The following ASIC5 variants were observed in gnomAD, a reference collection of about 807,000 sequenced individuals.
The protein encoded by ASIC5 is acid sensing ion channel subunit family member 5.
A neutral mutation model predicts 51.2 loss-of-function variants in ASIC5; 52 were observed. The ratio of observed to expected loss-of-function variants is 1.02; its 90% CI spans 0.81 to 1.28. The LOEUF is 1.28. Among genes scored for constraint, ASIC5 ranks in the 50% most tolerant of loss-of-function variants. The pLI, the probability that ASIC5 is intolerant of heterozygous loss-of-function variation, is 0.00. For synonymous variants in ASIC5, 231 were observed against 200.7 expected, an observed-to-expected ratio of 1.15 and a Z score of -1.28; for missense variants, 635 against 595.0, an observed-to-expected ratio of 1.07 and a Z score of -0.70.
In ASIC5 at chr4:155,829,872, C is replaced by A; in HGVS notation, c.1502G>T (p.Arg501Met). The A allele has an allele frequency of 6.3e-7, 1 of 1,590,094 alleles. No homozygotes were observed. The highest frequency in any genetic ancestry group is 8.5e-7 in the Non-Finnish European group (1 of 1,170,624). Residue 501 changes from arginine to methionine, a missense_variant, in exon 10 of 10, where the codon AGG becomes ATG. Arg to Met is a moderately conservative substitution (Grantham distance 91). Transcript: ENST00000537611. ...PPQNHLGNKN[R>M]IEEC is the part of the protein sequence containing the mutation. ...AAGTGACCATTAACACTCCTCTATCCTATTTTTATTTCCCAGATGATTCTG... is the reference window on the plus strand; with the variant it reads ...AAGTGACCATTAACACTCCTCTATCATATTTTTATTTCCCAGATGATTCTG...
chr4:155,840,295 G>A (rs964272862), intron 6 of ASIC5, among the ~76,000 whole-genome samples: 1 of 151,912 alleles, frequency 6.6e-6, no homozygotes, highest in Admixed American at 6.6e-5. Context: ...ATATAGAACA[G>A]CAGTTTTTGC....
intron 6 of ASIC5, among the ~76,000 whole-genome samples, chr4:155,841,961 A>G (rs1741129626): frequency 6.6e-6 from 1 of 152,196 alleles, no homozygotes; most frequent in South Asian, 2.1e-4. Flanking sequence ...ATAAAATTCA[A>G]AGAAATTTAG....
At chr4:155,838,296 G>A (rs1304715214) in intron 7 of ASIC5, among the ~76,000 whole-genome samples, 1 of 151,516 alleles carries the variant, frequency 6.6e-6, no homozygotes, top group Non-Finnish European at 1.5e-5. Flanking sequence ...GTTAAGGTAA[G>A]AGGTGTGAAA....
intron 6 of ASIC5, among the ~76,000 whole-genome samples, chr4:155,840,516 C>A (rs2111235522): frequency 7.1e-6 from 1 of 141,580 alleles, no homozygotes; most frequent in African/African-American, 2.6e-5. Flanking sequence ...ATATTTTTTA[C>A]TTTTATTATT....
chr4:155,849,444 C>T (rs1420453590), intron 4 of ASIC5, among the ~76,000 whole-genome samples: 2 of 151,926 alleles, frequency 1.3e-5, no homozygotes, highest in Admixed American at 6.6e-5. Flanking sequence ...ATTCTTGGTG[C>T]ACTGTATACA....
intron 4 of ASIC5, among the ~76,000 whole-genome samples, chr4:155,850,259 G>C (rs947007707): frequency 3.3e-5 from 5 of 151,780 alleles, no homozygotes; most frequent in African/African-American, 1.2e-4. Flanking sequence ...AGGTCAATCA[G>C]AAACTCAAAA....
At chr4:155,838,987 T>A (rs1325569683) in intron 6 of ASIC5, 118 bp from the exon 7 acceptor site, 3 of 605,042 alleles carry the variant, frequency 5.0e-6, no homozygotes, top group Non-Finnish European at 8.9e-6. Context: ...CACCCATTCT[T>A]CTATATGAAC....
chr4:155,835,139 G>A (rs1388713312), intron 8 of ASIC5, among the ~76,000 whole-genome samples: 1 of 152,082 alleles, frequency 6.6e-6, no homozygotes, highest in African/African-American at 2.4e-5. Context: ...TTGCGATAAG[G>A]CAGAGGGTCC....
chr4:155,847,724 T>TAAAAAAAAAAA (rs572154753), intron 4 of ASIC5, among the ~76,000 whole-genome samples: 1 of 150,992 alleles, frequency 6.6e-6, no homozygotes, highest in African/African-American at 2.4e-5. Context: ...TCTGTCTCAG[T>TAAAAAAAAAAA]AAAAAAAATA....
In ASIC5 at chr4:155,854,378, T is replaced by C. The variant is rs1295037109; in HGVS notation, c.348-64A>G. 6.4e-6 allele frequency: 7 copies of C among 1,101,630 alleles called. No individual in the cohort carries two copies. In the African/African-American group the frequency reaches 1.1e-4, roughly 17 times the overall value. 68.2% of individuals were successfully genotyped at this position (1,101,630 alleles called of 1,614,324 possible). The stretch of plus-strand genomic sequence containing the variant: ...AACTTATAATTATCTGGAAGACAGA[T>C]ACCAACATCTAGATTCTATTAGCTT... On this transcript the variant is annotated intron_variant, in intron 2 of 9. Coordinates refer to ENST00000537611, the MANE Select transcript of ASIC5 (RefSeq NM_017419.3).
chr4:155,861,922 A>T (rs1741718046), intron 2 of ASIC5, among the ~76,000 whole-genome samples: 1 of 152,104 alleles, frequency 6.6e-6, no homozygotes, highest in African/African-American at 2.4e-5. Flanking sequence ...GTAATGACCC[A>T]ATTTTAAAAT....
intron 4 of ASIC5, among the ~76,000 whole-genome samples, chr4:155,844,981 T>C (rs927009337): frequency 1.3e-5 from 2 of 152,012 alleles, no homozygotes; most frequent in East Asian, 1.9e-4. Context: ...AAGCTAAGTC[T>C]GCTAGCAGCA....
In ASIC5 at chr4:155,831,840, A is replaced by C; in HGVS notation, c.1311T>G (p.Ser437Arg). 6.2e-7 allele frequency: 1 copy of C among 1,600,374 alleles called. No homozygotes were observed. Among genetic ancestry groups the C allele is most frequent in the Non-Finnish European group, 8.6e-7 (1 of 1,168,654 alleles). ...AACACTTACCAAGTAACTCAGACAC[A>C]CTCACCGCCTTTTGCTGCTGGGTTA... ...YKITQQQKAV[S>R]VSELLADLGG... The change falls in exon 9 of 10, where the codon AGT (serine) becomes AGG (arginine). Residue 437 changes from serine to arginine, a missense_variant. Physicochemically the swap from Ser to Arg is moderately radical, Grantham distance 110. Coordinates refer to ENST00000537611, the MANE Select transcript of ASIC5 (RefSeq NM_017419.3).
rs1157634653 is a variant in ASIC5, at chr4:155,848,998, G to T, written c.711+3193C>A. ...CTCCAGAATTTGGAAACTATTTGTG[G>T]ATATTCTTAACTTGTGGCAATACAG... On this transcript the variant is annotated intron_variant, in intron 4 of 9. Coordinates refer to ENST00000537611, the MANE Select transcript of ASIC5 (RefSeq NM_017419.3). 3.3e-5 allele frequency among the ~76,000 whole-genome samples: 5 copies of T among 152,074 alleles called. No homozygotes were observed. The East Asian group carries it at 9.7e-4, about 29-fold the overall frequency.
chr4:155,839,019 A>G (rs1490027036), intron 6 of ASIC5, 150 bp from the exon 7 acceptor site: 2 of 571,180 alleles, frequency 3.5e-6, no homozygotes, highest in Admixed American at 3.5e-5. Context: ...CATAAGCAAA[A>G]CTATGGAATC....
rs781242725 is a variant in ASIC5, at chr4:155,854,232, T to A, written c.430A>T (p.Ile144Phe). ...CTAGAGCCAGTGGAATTGGCAGTAA[T>A]TTCTTGAAGATGGAGGACTTTGGAT... ...IVSKVLHLQE[I>F]TANSTGSREA... is the part of the protein sequence containing the mutation. The change falls in exon 3 of 10, where the codon ATT becomes TTT. Residue 144 changes from isoleucine (I) to phenylalanine (F), a missense_variant. Physicochemically the swap from Ile to Phe is conservative, Grantham distance 21. Transcript: ENST00000537611. 17 of 1,613,256 alleles carry A rather than the reference T, an allele frequency of 1.1e-5. No homozygotes were observed. Among genetic ancestry groups the A allele is most frequent in the Non-Finnish European group, 1.4e-5 (17 of 1,179,608 alleles).
chr4:155,842,283 G>A lies in ASIC5; in HGVS notation c.933C>T (p.Ser311=). 2.5e-6 allele frequency: 4 copies of A among 1,613,438 alleles called. No homozygotes were observed. The highest frequency in any genetic ancestry group is 3.4e-6 in the Non-Finnish European group (4 of 1,179,576). The stretch of plus-strand genomic sequence containing the variant: ...TGCATTCCTTCAAGCAACCAGAAGT[G>A]CTGTAGCTGCTAAAATTCTGCAGCT... ...NIKLQNFSSY[S]TSGCLKECKA... is the part of the protein sequence containing the mutation. Residue 311 remains serine, a synonymous_variant, in exon 6 of 10, where the codon AGC becomes AGT. Transcript: ENST00000537611.
At chr4:155,830,710 T>C (rs1441930258) in intron 9 of ASIC5, among the ~76,000 whole-genome samples, 1 of 152,196 alleles carries the variant, frequency 6.6e-6, no homozygotes, top group African/African-American at 2.4e-5. Context: ...GATGTTTTCA[T>C]CTTCCCTAAC....
chr4:155,832,055 A>G (rs1740883347), intron 8 of ASIC5, 140 bp from the exon 9 acceptor site: 1 of 510,218 alleles, frequency 2.0e-6, no homozygotes, highest in Non-Finnish European at 3.6e-6. Flanking sequence ...ATTAATCACA[A>G]TTAGCAGGAT....
Sources: allele counts gnomAD v4.1 joint callset (sites outside exome capture counted in the v4.1 genomes callset), GRCh38; gene constraint gnomAD v4.1.1; transcripts MANE v1.5; gene names NCBI Gene and HGNC (gene_info 2026-07-23, HGNC 2026-07-21).